Variants in RBFOX1 observed in about 807,000 individuals in gnomAD.
The protein encoded by RBFOX1 is RNA binding fox-1 homolog 1, also known as RNA binding protein fox-1 homolog 1.
Under a neutral mutation model 57.7 loss-of-function variants are expected in RBFOX1, and 8 were observed. The observed-to-expected ratio is 0.14, with a 90% CI of 0.08 to 0.25. The LOEUF is 0.25. Among genes scored for constraint, RBFOX1 ranks in the 10% least tolerant of loss-of-function variants. The pLI, the probability that RBFOX1 is intolerant of heterozygous loss-of-function variation, is 1.00. For missense variants in RBFOX1, 611 were observed against 548.5 expected, an observed-to-expected ratio of 1.11 and a Z score of -1.14; for synonymous variants, 326 against 222.4, an observed-to-expected ratio of 1.47 and a Z score of -4.15.
At chr16:6,722,848 C>A (rs1417497162) in intron 3 of RBFOX1, among the ~76,000 whole-genome samples, 1 of 152,154 alleles carries the variant, frequency 6.6e-6, no homozygotes, top group Non-Finnish European at 1.5e-5. Flanking sequence ...AGTAAGAAAT[C>A]CAAATGTAGC....
At chr16:5,541,934 T>G (rs1156906451) in intron 2 of RBFOX1, among the ~76,000 whole-genome samples, 1 of 152,192 alleles carries the variant, frequency 6.6e-6, no homozygotes, top group Non-Finnish European at 1.5e-5. Flanking sequence ...CAGGTGGTTT[T>G]TAGTTACATG....
intron 3 of RBFOX1, among the ~76,000 whole-genome samples, chr16:6,709,654 C>G (rs1403063372): frequency 2.0e-5 from 3 of 152,220 alleles, no homozygotes; most frequent in East Asian, 3.9e-4. Context: ...GATTTAATTT[C>G]TTTTACCTCT....
chr16:5,259,342 G>A (rs1235832238), intron 1 of RBFOX1, among the ~76,000 whole-genome samples: 1 of 152,174 alleles, frequency 6.6e-6, no homozygotes, highest in Admixed American at 6.5e-5. Context: ...ACCTATGTTT[G>A]CAAAAGCTCC....
intron 4 of RBFOX1, among the ~76,000 whole-genome samples, chr16:5,867,506 C>A (rs1266111854): frequency 6.6e-6 from 1 of 152,016 alleles, no homozygotes; most frequent in East Asian, 1.9e-4. Context: ...TTGGGGTGCC[C>A]AGGTCACCGC....
intron 4 of RBFOX1, among the ~76,000 whole-genome samples, chr16:7,152,290 C>T (rs943368491): frequency 2.6e-5 from 4 of 152,098 alleles, no homozygotes; most frequent in Admixed American, 6.5e-5. Context: ...AGTATTCTAT[C>T]AGTGGAAAGA....
At chr16:6,094,160 G>A (rs1290285870) in intron 1 of RBFOX1, among the ~76,000 whole-genome samples, 1 of 152,084 alleles carries the variant, frequency 6.6e-6, no homozygotes, top group East Asian at 1.9e-4. Flanking sequence ...TTGTCCCAAG[G>A]ACTCATCTGT....
chr16:6,775,612 A>T (rs1165272237), intron 3 of RBFOX1: 1 of 152,184 alleles, frequency 6.6e-6, no homozygotes, highest in Non-Finnish European at 1.5e-5. Flanking sequence ...TCTCTAATCG[A>T]GACAGCCCTC....
chr16:5,765,621 T>C (rs983408660), intron 3 of RBFOX1, among the ~76,000 whole-genome samples: 10 of 152,044 alleles, frequency 6.6e-5, no homozygotes, highest in African/African-American at 2.4e-4. Context: ...ATGGATTCTC[T>C]GCAAACACTG....
chr16:5,553,122 G>A (rs1187726807), intron 2 of RBFOX1, among the ~76,000 whole-genome samples: 2 of 152,088 alleles, frequency 1.3e-5, no homozygotes, highest in East Asian at 3.9e-4. Flanking sequence ...TCACATACCC[G>A]GGCCTGTCGA....
At chr16:7,620,236 C>G (rs2059104570) in intron 10 of RBFOX1, among the ~76,000 whole-genome samples, 6 of 152,164 alleles carry the variant, frequency 3.9e-5, no homozygotes, top group Admixed American at 3.9e-4. Context: ...ACTTTCATGC[C>G]ATAGTTGTAA....
intron 4 of RBFOX1, among the ~76,000 whole-genome samples, chr16:7,057,770 G>A (rs368308012): frequency 2.0e-5 from 3 of 152,142 alleles, no homozygotes; most frequent in South Asian, 2.1e-4. Flanking sequence ...CACTTTGGGA[G>A]GCCAAGGTGG....
chr16:7,034,848 C>CTTTTTTTTTTT lies in RBFOX1; in HGVS notation c.-15-17201_-15-17191dup, dbSNP rs58405378. 6.8e-4 allele frequency among the ~76,000 whole-genome samples: 21 copies of CTTTTTTTTTTT among 30,826 alleles called. 1 individual carries two copies. Among genetic ancestry groups the CTTTTTTTTTTT allele is most frequent in the African/African-American group, 3.1e-3 (18 of 5,738 alleles). The allele number at this position is 30,826 out of a possible 152,430, so 20.2% of individuals were successfully genotyped here. ...ATTACTTTTTTTTTTTTTCTTTTTT[C>CTTTTTTTTTTT]TTTTTTTTTTTTTTTTTTGAGATGG... On this transcript the variant is annotated intron_variant, in intron 3 of 15. Transcript: ENST00000550418.
chr16:7,444,628 G>A (rs1034445099), intron 4 of RBFOX1, among the ~76,000 whole-genome samples: 2 of 151,944 alleles, frequency 1.3e-5, no homozygotes, highest in East Asian at 3.9e-4. Context: ...AACCTCCCAG[G>A]CTCAAGTGAT....
rs1596593381 is a variant in RBFOX1 at position 5,345,386 on chromosome 16, ATTC to A, written c.219+105282_219+105284del. 3.3e-5 allele frequency among the ~76,000 whole-genome samples: 5 copies of A among 152,008 alleles called. No individual in the cohort carries two copies. The East Asian group carries it at 9.7e-4, about 29-fold the overall frequency. Reference sequence around the variant, plus strand: ...AAAACAAGGTAACACAAAGCACCCCATTCAAACCCAACTAAAGCCCTCGTGCAT... The same window carrying A: ...AAAACAAGGTAACACAAAGCACCCCAAAACCCAACTAAAGCCCTCGTGCAT... On this transcript the variant is annotated intron_variant, in intron 1 of 2. Transcript: ENST00000585867.
intron 3 of RBFOX1, among the ~76,000 whole-genome samples, chr16:6,781,074 C>T (rs2080939570): frequency 6.6e-6 from 1 of 152,128 alleles, no homozygotes; most frequent in Non-Finnish European, 1.5e-5. Flanking sequence ...TACCCACACC[C>T]ATGTCTGGAA....
At chr16:6,062,807 G>A (rs571159737) in intron 1 of RBFOX1, among the ~76,000 whole-genome samples, 64 of 152,036 alleles carry the variant, frequency 4.2e-4, no homozygotes, top group Admixed American at 3.6e-3. Flanking sequence ...TTCTAGGGGC[G>A]GCAAATATGA....
At chr16:7,336,753 T>C (rs904912673) in intron 4 of RBFOX1, among the ~76,000 whole-genome samples, 9 of 152,186 alleles carry the variant, frequency 5.9e-5, no homozygotes, top group Admixed American at 5.2e-4. Context: ...AATTGGGCAG[T>C]ATTTGTCCAC....
chr16:6,411,482 T>G (rs142504568), intron 2 of RBFOX1, among the ~76,000 whole-genome samples: 187 of 152,340 alleles, frequency 1.2e-3, no homozygotes, highest in African/African-American at 4.3e-3. Flanking sequence ...TCTGGATTTC[T>G]CTATTTATAG....
At chr16:6,082,590 T>A (rs2096020367) in intron 1 of RBFOX1, among the ~76,000 whole-genome samples, 1 of 151,942 alleles carries the variant, frequency 6.6e-6, no homozygotes, top group African/African-American at 2.4e-5. Flanking sequence ...AGACCTTCTC[T>A]TTATCCCCTT....
Sources: allele counts gnomAD v4.1 joint callset (sites outside exome capture counted in the v4.1 genomes callset), GRCh38; gene constraint gnomAD v4.1.1; transcripts MANE v1.5; gene names NCBI Gene and HGNC (gene_info 2026-07-23, HGNC 2026-07-21).